ARID1B: variants seen among roughly 807,000 people sequenced by gnomAD.
ARID1B encodes AT-rich interactive domain-containing protein 1B.
Under a neutral mutation model 212.3 loss-of-function variants are expected in ARID1B, and 30 were observed. The ratio of observed to expected loss-of-function variants is 0.14; its 90% CI spans 0.11 to 0.19. The LOEUF (loss-of-function observed/expected upper bound fraction) is 0.19. Ranked by LOEUF, ARID1B falls within the 10% of genes least tolerant of loss-of-function variation. The pLI is 1.00. For synonymous variants in ARID1B, 1,402 were observed against 1,301.7 expected (o/e 1.08, Z -1.66); for missense variants, 2,891 against 3,204.0 (o/e 0.90, Z 2.36).
rs142850261 is a variant in ARID1B at position 157,042,567 on chromosome 6, T to C, written c.2248-42095T>C. On this transcript the variant is annotated intron_variant, in intron 4 of 19. Transcript: ENST00000636930. The stretch of plus-strand genomic sequence containing the variant: ...TTACAAGGATAATCAAGGGGAAGCA[T>C]ATTGTATTACTCTAAAAAAGAATGA... Among the ~76,000 whole-genome samples the C allele has an allele frequency of 9.7e-4, 148 of 152,100 alleles. 2 individuals carry two copies. Among genetic ancestry groups the C allele is most frequent in the Middle Eastern group, 3.4e-3 (1 of 294 alleles).
intron 6 of ARID1B, chr6:157,111,445 T>C (rs955965275): frequency 8.5e-5 from 13 of 152,200 alleles, no homozygotes; most frequent in African/African-American, 3.1e-4. Context: ...GCTTGTCTGC[T>C]CCATCCCACA....
intron 4 of ARID1B, among the ~76,000 whole-genome samples, chr6:157,032,161 G>T (rs1422166550): frequency 6.6e-6 from 1 of 152,190 alleles, no homozygotes; most frequent in Non-Finnish European, 1.5e-5. Context: ...ACAAACTCTA[G>T]AAGCTTGGGG....
intron 1 of ARID1B, among the ~76,000 whole-genome samples, chr6:156,816,135 G>T (rs918256501): frequency 2.6e-5 from 4 of 152,190 alleles, no homozygotes; most frequent in Admixed American, 2.6e-4. Flanking sequence ...TTATAGTATG[G>T]AAATTAAAAA....
chr6:156,926,647 C>T (rs1465072947), intron 3 of ARID1B, among the ~76,000 whole-genome samples: 5 of 152,148 alleles, frequency 3.3e-5, no homozygotes, highest in Non-Finnish European at 5.9e-5. Context: ...TTCTCATCCC[C>T]GTATCCCCTG....
At chr6:156,990,887 A>G (rs1342869371) in intron 4 of ARID1B, among the ~76,000 whole-genome samples, 1 of 152,200 alleles carries the variant, frequency 6.6e-6, no homozygotes, top group African/African-American at 2.4e-5. Flanking sequence ...ATGGCTTTTC[A>G]TGGTGAATCA....
chr6:156,945,019 T>G (rs1465928348), intron 4 of ARID1B, among the ~76,000 whole-genome samples: 2 of 150,232 alleles, frequency 1.3e-5, no homozygotes, highest in Non-Finnish European at 3.0e-5. Flanking sequence ...GCCTCCCAGG[T>G]TCCTGCCATT....
At chr6:157,147,965 G>A (rs1345618662) in intron 7 of ARID1B, among the ~76,000 whole-genome samples, 1 of 121,128 alleles carries the variant, frequency 8.3e-6, no homozygotes, top group Non-Finnish European at 1.6e-5. Context: ...TCCTGCTGCC[G>A]TGTGCCGTGC....
intron 1 of ARID1B, among the ~76,000 whole-genome samples, chr6:156,794,243 C>CTT (rs915172003): frequency 6.7e-6 from 1 of 149,598 alleles, no homozygotes; most frequent in Non-Finnish European, 1.5e-5. Flanking sequence ...AAATTGCATT[C>CTT]TTTTTTTTTT....
rs142418435 is a variant in ARID1B, at chr6:156,993,317, G to A, written c.2247+57741G>A. Among the ~76,000 whole-genome samples, 9 of 152,298 alleles carry A rather than the reference G, an allele frequency of 5.9e-5. No individual in the cohort carries two copies. The East Asian group carries it at 1.4e-3, about 23-fold the overall frequency. On this transcript the variant is annotated intron_variant, in intron 4 of 19. Transcript: ENST00000636930. ...TCAGCCTCCCAAAGTGCTGGGTGGC[G>A]TGAGCCACTGCGCCTGGCACATTTT...
intron 2 of ARID1B, among the ~76,000 whole-genome samples, chr6:156,890,832 A>G (rs1467564953): frequency 2.0e-5 from 3 of 152,146 alleles, no homozygotes; most frequent in Admixed American, 2.0e-4. Context: ...TTTGTTGACT[A>G]TTTCTCATTT....
intron 4 of ARID1B, among the ~76,000 whole-genome samples, chr6:157,073,994 G>A (rs1156658354): frequency 1.3e-5 from 2 of 152,282 alleles, no homozygotes; most frequent in East Asian, 3.9e-4. Context: ...TCCTCCGAGT[G>A]AGTGAAACTG....
At chr6:157,174,678 TTATC>T (rs1393645069) in intron 10 of ARID1B, among the ~76,000 whole-genome samples, 165 bp from the exon 11 acceptor site, 1 of 148,974 alleles carries the variant, frequency 6.7e-6, no homozygotes, top group Non-Finnish European at 1.5e-5. Flanking sequence ...TTTAATACCT[TTATC>T]TATGTGTGGT....
At chr6:157,122,031 A>G (rs138653607) in intron 6 of ARID1B, among the ~76,000 whole-genome samples, 19 of 152,320 alleles carry the variant, frequency 1.2e-4, no homozygotes, top group African/African-American at 4.1e-4. Context: ...TCACTTATCT[A>G]AGAATAACAC....
chr6:157,190,182 C>T lies in ARID1B; in HGVS notation c.4203C>T (p.Asn1401=). 1 of 1,613,588 alleles carries T rather than the reference C, an allele frequency of 6.2e-7. No homozygotes were observed. The highest frequency in any genetic ancestry group is 8.5e-7 in the Non-Finnish European group (1 of 1,179,826). Reference sequence around the variant, plus strand: ...TGGGCAGGATGCCCTATGAGCCCAACAAGGACCCCTTTGGGGGAATGAGAA... The same window carrying T: ...TGGGCAGGATGCCCTATGAGCCCAATAAGGACCCCTTTGGGGGAATGAGAA... ...DVMGRMPYEP[N]KDPFGGMRKV... Residue 1401 remains asparagine, a synonymous_variant, in exon 15 of 20, where the codon AAC becomes AAT. Transcript: ENST00000636930. This position sits in a 1 kb window ranked among gnomAD's most constrained non-coding sequence, Gnocchi z 4.6.
chr6:157,016,409 T>C (rs112003607), intron 4 of ARID1B, among the ~76,000 whole-genome samples: 23 of 152,292 alleles, frequency 1.5e-4, no homozygotes, highest in African/African-American at 5.3e-4. Context: ...AAGTAAAAGA[T>C]ACACATCAGA....
At position 156,778,030 on chromosome 6, in the gene ARID1B, T is replaced by TGTCCTCCTCCTC; in HGVS notation, c.351_362dup (p.Ser121_Ser124dup). On this transcript the variant is annotated inframe_insertion, in exon 1 of 20. Transcript: ENST00000636930. ...AAGGAGGGTGGAAGCGCCGCCGCGC[T>TGTCCTCCTCCTC]GTCCTCCTCCTCCTCCTCCTCCGCG... The TGTCCTCCTCCTC allele has an allele frequency of 6.5e-7, 1 of 1,533,766 alleles. No homozygotes were observed. Among genetic ancestry groups the TGTCCTCCTCCTC allele is most frequent in the South Asian group, 1.2e-5 (1 of 83,788 alleles).
chr6:157,060,867 A>C (rs1055860860), intron 4 of ARID1B, among the ~76,000 whole-genome samples: 15 of 151,954 alleles, frequency 9.9e-5, no homozygotes, highest in African/African-American at 2.9e-4. Flanking sequence ...CACCAAGGTT[A>C]ATTTTGCCCC....
chr6:156,801,725 C>A (rs1184747509), intron 1 of ARID1B, among the ~76,000 whole-genome samples: 1 of 151,962 alleles, frequency 6.6e-6, no homozygotes, highest in African/African-American at 2.4e-5. Flanking sequence ...TGTTTGGAAC[C>A]AAACATGTGG....
chr6:157,068,690 A>T (rs7751621), intron 4 of ARID1B, among the ~76,000 whole-genome samples: 1 of 152,082 alleles, frequency 6.6e-6, no homozygotes, highest in Non-Finnish European at 1.5e-5. Flanking sequence ...AGATCATCAT[A>T]TGCTTACATA....
Sources: gnomAD v4.1 joint callset for allele counts (sites outside exome capture counted in the v4.1 genomes callset) on GRCh38, gnomAD v4.1.1 for gene constraint, Gnocchi (gnomAD v3.1) non-coding constraint, MANE v1.5 for transcripts, NCBI Gene and HGNC (gene_info 2026-07-23, HGNC 2026-07-21) for gene names.